The following COL6A5 variants were observed in gnomAD, a reference collection of about 807,000 sequenced individuals.
COL6A5 encodes collagen alpha-5(VI) chain.
A neutral mutation model predicts 65.6 loss-of-function variants in COL6A5; 48 were observed. That is an observed-to-expected ratio of 0.73 (90% CI 0.58 to 0.93). COL6A5 has a LOEUF of 0.93. Among genes scored for constraint, COL6A5 ranks in the 40% least tolerant of loss-of-function variants. The pLI, the probability that COL6A5 is intolerant of heterozygous loss-of-function variation, is 0.00. For missense variants in COL6A5, 914 were observed against 928.3 expected (o/e 0.98, Z 0.20); for synonymous variants, 291 against 322.8 (o/e 0.90, Z 1.05).
At chr3:130,395,694 G>T (rs1441728477) in intron 8 of COL6A5, among the ~76,000 whole-genome samples, 1 of 152,188 alleles carries the variant, frequency 6.6e-6, no homozygotes, top group African/African-American at 2.4e-5. Flanking sequence ...GGACCCCTGG[G>T]CTGTGTCCTC....
intron 4 of COL6A5, among the ~76,000 whole-genome samples, chr3:130,444,983 C>T (rs538923786): frequency 3.3e-5 from 5 of 152,258 alleles, no homozygotes; most frequent in South Asian, 4.2e-4. Flanking sequence ...ATGTGATGTT[C>T]GAGACTCACT....
At chr3:130,461,043 A>C (rs1479896483) in intron 5 of COL6A5, among the ~76,000 whole-genome samples, 2 of 152,024 alleles carry the variant, frequency 1.3e-5, no homozygotes, top group African/African-American at 4.8e-5. Flanking sequence ...GTTTTCCTTA[A>C]CTATTCAGAC....
intron 1 of COL6A5, among the ~76,000 whole-genome samples, chr3:130,438,010 GT>G (rs943022795): frequency 6.6e-6 from 1 of 151,484 alleles, no homozygotes. Flanking sequence ...GTTTTGTTTT[GT>G]TTTTGTGAGA....
exon 5 of COL6A5, chr3:130,385,216 C>G: frequency 6.4e-7 from 1 of 1,551,006 alleles, no homozygotes; most frequent in Non-Finnish European, 8.7e-7. Flanking sequence ...CTGAGCAAAT[C>G]ACTGTTCATG....
chr3:130,401,654 G>A, intron 11 of COL6A5, 108 bp from the exon 12 acceptor site: 1 of 798,800 alleles, frequency 1.3e-6, no homozygotes, highest in South Asian at 1.7e-5. Context: ...CATCCAAAGG[G>A]TGAAGATGGG....
intron 5 of COL6A5, 122 bp downstream of exon 5, chr3:130,385,486 T>C: frequency 9.8e-6 from 10 of 1,020,446 alleles, no homozygotes; most frequent in Non-Finnish European, 1.3e-5. Flanking sequence ...GCTAGCTTCC[T>C]TTATTACCAT....
chr3:130,421,531 A>G (rs1174573672), intron 27 of COL6A5, among the ~76,000 whole-genome samples, 171 bp downstream of exon 27: 2 of 152,084 alleles, frequency 1.3e-5, no homozygotes, highest in African/African-American at 2.4e-5. Flanking sequence ...GAATCTTTAC[A>G]TTGGAAAAGA....
chr3:130,406,411 A>C lies in COL6A5; in HGVS notation c.4479+90A>C, dbSNP rs1936996209. ...TGTGTGTCAGTGGTTATAGGGGATA[A>C]AATTTACAACTGACTTAACCACATA... On this transcript the variant is annotated intron_variant and NMD_transcript_variant, in intron 17 of 41. Transcript: ENST00000312481. 4 of 1,018,246 alleles carry C rather than the reference A, an allele frequency of 3.9e-6. No homozygotes were observed. The South Asian group carries it at 5.9e-5, about 15-fold the overall frequency. 63.1% of individuals were successfully genotyped at this position (1,018,246 alleles called of 1,614,324 possible).
chr3:130,384,567 C>T (rs560764848), intron 4 of COL6A5, among the ~76,000 whole-genome samples: 32 of 152,158 alleles, frequency 2.1e-4, no homozygotes, highest in African/African-American at 7.5e-4. Context: ...CTTTAATTTA[C>T]TGGTTATATG....
In COL6A5 at chr3:130,477,249, G is replaced by C. The variant is rs183892722; in HGVS notation, c.2328+6282G>C. 14 of 571,524 alleles carry C rather than the reference G, an allele frequency of 2.4e-5. No individual in the cohort carries two copies. The East Asian group carries it at 3.9e-4, about 16-fold the overall frequency. The allele number at this position is 571,524 out of a possible 1,614,324, so 35.4% of individuals were successfully genotyped here. A position where few individuals can be genotyped will look rare whatever the true frequency, so the allele number is the denominator to read the frequency against. On this transcript the variant is annotated intron_variant, in intron 7 of 7. Transcript: ENST00000512836. ...AAAGCTCAAAGTACACACTATGCGTGGAATATAATCAACTAGTATTATCCC... is the reference window on the plus strand; with the variant it reads ...AAAGCTCAAAGTACACACTATGCGTCGAATATAATCAACTAGTATTATCCC...
chr3:130,456,853 C>T (rs975091705), intron 5 of COL6A5, among the ~76,000 whole-genome samples: 7 of 151,996 alleles, frequency 4.6e-5, no homozygotes, highest in African/African-American at 1.7e-4. Context: ...TTAACACTTA[C>T]ATCCCCACAA....
At chr3:130,449,409 C>G (rs1241679855) in intron 4 of COL6A5, among the ~76,000 whole-genome samples, 1 of 152,120 alleles carries the variant, frequency 6.6e-6, no homozygotes, top group Non-Finnish European at 1.5e-5. Context: ...GCCAGTAAAT[C>G]TCTACCCCAA....
chr3:130,469,052 A>G (rs1453007622), exon 6 of COL6A5: 1 of 1,612,884 alleles, frequency 6.2e-7, no homozygotes, highest in South Asian at 1.1e-5. Context: ...TATGCCTAAC[A>G]CTGAAGAATG....
chr3:130,413,929 T>C lies in COL6A5; in HGVS notation c.4699-140T>C, dbSNP rs75550503. On this transcript the variant is annotated intron_variant and NMD_transcript_variant, in intron 21 of 41. Transcript: ENST00000312481. ...GTTCATTCCTTAGACAGTCTAGAAC[T>C]GTAAAATCCTAGGCCAAGTAGAGGG... 1.8e-3 allele frequency: 1,228 copies of C among 667,604 alleles called. 18 individuals are homozygous for C. The African/African-American group carries it at 0.019, about 10-fold the overall frequency. 41.4% of individuals were successfully genotyped at this position (667,604 alleles called of 1,614,324 possible). A position where few individuals can be genotyped will look rare whatever the true frequency, so the allele number is the denominator to read the frequency against.
At chr3:130,419,005 C>T in intron 25 of COL6A5, 74 bp downstream of exon 25, 2 of 1,218,454 alleles carry the variant, frequency 1.6e-6, no homozygotes, top group East Asian at 2.5e-5. Context: ...GGGGTTGACA[C>T]CTTCAGCCCA....
At chr3:130,454,519 A>T (rs1709520289) in intron 4 of COL6A5, among the ~76,000 whole-genome samples, 1 of 152,226 alleles carries the variant, frequency 6.6e-6, no homozygotes, top group Admixed American at 6.5e-5. Flanking sequence ...GCCAAACATC[A>T]GTATCAAATG....
chr3:130,483,526 A>G (rs1315627803), intron 7 of COL6A5, among the ~76,000 whole-genome samples: 1 of 152,180 alleles, frequency 6.6e-6, no homozygotes, highest in Non-Finnish European at 1.5e-5. Flanking sequence ...CCAGGTGCTC[A>G]TAGTGCATGT....
In COL6A5 at chr3:130,403,269, G is replaced by A. The variant is rs531199518; in HGVS notation, c.4228-340G>A. 7.9e-5 allele frequency among the ~76,000 whole-genome samples: 12 copies of A among 152,288 alleles called. No homozygotes were observed. In the South Asian group the frequency reaches 2.3e-3, roughly 29 times the overall value. On this transcript the variant is annotated intron_variant and NMD_transcript_variant, in intron 12 of 41. Transcript: ENST00000312481. Reference sequence around the variant, plus strand: ...AAATAATACCTTTGGAAATGTTATCGGTTTGTCTGCTGAAAGGGTTGTGGC... The same window carrying A: ...AAATAATACCTTTGGAAATGTTATCAGTTTGTCTGCTGAAAGGGTTGTGGC...
At chr3:130,386,383 AG>A (rs1936187255) in intron 5 of COL6A5, among the ~76,000 whole-genome samples, 1 of 152,116 alleles carries the variant, frequency 6.6e-6, no homozygotes, top group Non-Finnish European at 1.5e-5. Context: ...AAGGTGGCTA[AG>A]GTGTTCACCG....
Sources: allele counts gnomAD v4.1 joint callset (sites outside exome capture counted in the v4.1 genomes callset), GRCh38; gene constraint gnomAD v4.1.1; transcripts MANE v1.5; gene names NCBI Gene and HGNC (gene_info 2026-07-23, HGNC 2026-07-21).